The following AGBL1 variants were observed in gnomAD, a reference collection of about 807,000 sequenced individuals.
AGBL1 encodes cytosolic carboxypeptidase 4.
In AGBL1, 130 loss-of-function variants were observed where a neutral mutation model predicts 118.9. The ratio of observed to expected loss-of-function variants is 1.09; its 90% CI spans 0.95 to 1.26. The LOEUF (loss-of-function observed/expected upper bound fraction) is 1.26, where lower values mean the gene tolerates loss of function less well. Ranked by LOEUF, AGBL1 falls within the 50% of genes most tolerant of loss-of-function variation. The probability of loss-of-function intolerance (pLI) is 0.00; values close to 1 mark genes in which losing one functional copy is unlikely to be tolerated. For missense variants in AGBL1, 1,584 were observed against 1,298.1 expected (o/e 1.22, Z -3.38); for synonymous variants, 555 against 478.9 (o/e 1.16, Z -2.08).
rs113283415 is a variant in AGBL1, at chr15:86,353,367, A to G, written c.2375-43999A>G. Among the ~76,000 whole-genome samples the G allele has an allele frequency of 9.4e-3, 1,438 of 152,314 alleles. 32 individuals carry two copies. Among genetic ancestry groups the G allele is most frequent in the African/African-American group, 0.032 (1,334 of 41,552 alleles). Reference sequence around the variant, plus strand: ...CCTATAAACAAGGACCATCAATACAAAGCAATATTCTTAATAGCGAGGATG... The same window carrying G: ...CCTATAAACAAGGACCATCAATACAGAGCAATATTCTTAATAGCGAGGATG... On this transcript the variant is annotated intron_variant, in intron 17 of 22. Transcript: ENST00000614907.
intron 22 of AGBL1, among the ~76,000 whole-genome samples, chr15:86,693,533 A>G (rs918567979): frequency 2.0e-5 from 3 of 151,936 alleles, no homozygotes; most frequent in African/African-American, 7.2e-5. Context: ...TTGTGAAGAT[A>G]TTCTCCCATT....
intron 17 of AGBL1, among the ~76,000 whole-genome samples, chr15:86,367,792 T>G (rs1436766410): frequency 6.6e-6 from 1 of 152,040 alleles, no homozygotes; most frequent in Non-Finnish European, 1.5e-5. Flanking sequence ...AAAATATAAT[T>G]TAAACACATG....
intron 18 of AGBL1, among the ~76,000 whole-genome samples, chr15:86,522,437 A>G (rs779482428): frequency 2.5e-4 from 38 of 152,224 alleles, no homozygotes; most frequent in Non-Finnish European, 3.2e-4. Context: ...CACACCAAGT[A>G]TGATAGATTG....
At chr15:86,394,604 G>C (rs1202599351) in intron 17 of AGBL1, among the ~76,000 whole-genome samples, 1 of 152,150 alleles carries the variant, frequency 6.6e-6, no homozygotes, top group Non-Finnish European at 1.5e-5. Context: ...AGAAGCTGGT[G>C]AAAATGTGGT....
chr15:86,484,813 A>G (rs879587536), intron 18 of AGBL1, among the ~76,000 whole-genome samples: 1 of 152,158 alleles, frequency 6.6e-6, no homozygotes, highest in Admixed American at 6.6e-5. Context: ...GAGAACTGCT[A>G]TGAGAACTTT....
chr15:86,992,713 ATTT>A (rs201562207), intron 24 of AGBL1, among the ~76,000 whole-genome samples: 2 of 144,738 alleles, frequency 1.4e-5, no homozygotes, highest in African/African-American at 2.5e-5. Context: ...GGAAGTCTGG[ATTT>A]TTTTTTTTTT....
intron 5 of AGBL1, among the ~76,000 whole-genome samples, chr15:86,198,648 A>G (rs974423135): frequency 6.6e-6 from 1 of 152,032 alleles, no homozygotes; most frequent in Admixed American, 6.6e-5. Flanking sequence ...TGGCCTCATG[A>G]GAAGAGGAAG....
At chr15:86,636,495 T>G (rs1596326226) in intron 21 of AGBL1, among the ~76,000 whole-genome samples, 1 of 2,356 alleles carries the variant, frequency 4.2e-4, no homozygotes, top group Non-Finnish European at 1.4e-3. Context: ...ATCAAGATAG[T>G]TTTTTTTTTT....
At chr15:86,424,241 A>G (rs2081835161) in intron 18 of AGBL1, among the ~76,000 whole-genome samples, 2 of 152,226 alleles carry the variant, frequency 1.3e-5, no homozygotes, top group Admixed American at 6.5e-5. Flanking sequence ...CCATACTTCT[A>G]CAACCATCTT....
intron 12 of AGBL1, 48 bp from the exon 13 acceptor site, chr15:86,266,942 A>T (rs1210714866): frequency 7.5e-7 from 1 of 1,339,174 alleles, no homozygotes; most frequent in African/African-American, 1.5e-5. Flanking sequence ...ACTGTTTTCA[A>T]AGAGTAGTGA....
intron 1 of AGBL1, among the ~76,000 whole-genome samples, chr15:86,133,970 A>T (rs2076852488): frequency 6.6e-6 from 1 of 152,192 alleles, no homozygotes; most frequent in South Asian, 2.1e-4. Context: ...CCCCACCATT[A>T]TTGAAACAAA....
intron 23 of AGBL1, among the ~76,000 whole-genome samples, chr15:86,931,520 A>G (rs529575181): frequency 2.0e-5 from 3 of 152,252 alleles, no homozygotes; most frequent in Non-Finnish European, 4.4e-5. Context: ...AAAAAATTAC[A>G]TTATTTCACT....
At position 86,276,510 on chromosome 15, in the gene AGBL1, C is replaced by T. The variant is rs180786704; in HGVS notation, c.2076-3129C>T. Among the ~76,000 whole-genome samples the T allele has an allele frequency of 6.6e-5, 10 of 152,110 alleles. No individual in the cohort carries two copies. The East Asian group carries it at 1.6e-3, about 24-fold the overall frequency. ...ATTATTACTCCTGGAGTCTTGGGTC[C>T]GTGTATTATACAAACTTTAACTGAA... On this transcript the variant is annotated intron_variant, in intron 15 of 22. Coordinates refer to ENST00000614907, the MANE Select transcript of AGBL1 (RefSeq NM_001386094.1).
At chr15:86,260,052 G>C (rs2078958334) in intron 9 of AGBL1, among the ~76,000 whole-genome samples, 1 of 152,206 alleles carries the variant, frequency 6.6e-6, no homozygotes, top group African/African-American at 2.4e-5. Flanking sequence ...TTCTTCAAAA[G>C]GCTTCAAGCC....
At position 86,336,809 on chromosome 15, in the gene AGBL1, C is replaced by T. The variant is rs553877713; in HGVS notation, c.2374+41401C>T. On this transcript the variant is annotated intron_variant, in intron 17 of 22. Transcript: ENST00000614907. Reference sequence around the variant, plus strand: ...CTGATAGTTAGTTCCAGACTGGCTGCTGCCTTAAGAAAGAGACAAATGAAA... The same window carrying T: ...CTGATAGTTAGTTCCAGACTGGCTGTTGCCTTAAGAAAGAGACAAATGAAA... Among the ~76,000 whole-genome samples the T allele has an allele frequency of 1.6e-4, 24 of 152,284 alleles. No individual in the cohort carries two copies. In the South Asian group the frequency reaches 4.4e-3, roughly 28 times the overall value.
intron 22 of AGBL1, among the ~76,000 whole-genome samples, chr15:86,719,427 A>C (rs991698830): frequency 2.0e-5 from 3 of 152,226 alleles, no homozygotes; most frequent in Non-Finnish European, 2.9e-5. Context: ...AAAAAGAAAA[A>C]GAAAAAGACA....
At chr15:86,571,345 T>C (rs80019736) in intron 21 of AGBL1, among the ~76,000 whole-genome samples, 4,590 of 152,228 alleles carry the variant, frequency 0.03, 105 homozygotes, top group East Asian at 0.08. Context: ...GTTCTTGTTT[T>C]GCATCCAGGA....
intron 17 of AGBL1, among the ~76,000 whole-genome samples, chr15:86,391,852 C>T (rs1047782974): frequency 5.3e-5 from 8 of 151,900 alleles, no homozygotes; most frequent in Non-Finnish European, 8.8e-5. Context: ...TGACCTCAGA[C>T]GTTTGCAAAT....
At chr15:86,258,767 T>A (rs1245615840) in intron 9 of AGBL1, among the ~76,000 whole-genome samples, 1 of 152,048 alleles carries the variant, frequency 6.6e-6, no homozygotes, top group African/African-American at 2.4e-5. Flanking sequence ...AGTGCAGTGG[T>A]GTGATCTTGG....
Sources: gnomAD v4.1 joint callset for allele counts (sites outside exome capture counted in the v4.1 genomes callset) on GRCh38, gnomAD v4.1.1 for gene constraint, MANE v1.5 for transcripts, NCBI Gene and HGNC (gene_info 2026-07-23, HGNC 2026-07-21) for gene names.